The following ADCY9 variants were observed in gnomAD, a reference collection of about 807,000 sequenced individuals.
The protein encoded by ADCY9 is adenylate cyclase type 9.
ADCY9 carries 50 observed loss-of-function variants against 101.5 expected under a neutral mutation model. The observed-to-expected ratio is 0.49, with a 90% CI of 0.39 to 0.62. The LOEUF (loss-of-function observed/expected upper bound fraction) is 0.62. Ranked by LOEUF, ADCY9 falls within the 20% of genes least tolerant of loss-of-function variation. ADCY9 has a pLI of 0.00. For missense variants in ADCY9, 1,662 were observed against 1,800.4 expected (o/e 0.92, Z 1.39); for synonymous variants, 905 against 769.3 (o/e 1.18, Z -2.92).
rs184862355 is a variant in ADCY9, at chr16:4,094,717, C to A, written c.1693+19033G>T. On this transcript the variant is annotated intron_variant, in intron 2 of 10. Transcript: ENST00000294016. ...GAGGAGATTAATACAATATAATAAT[C>A]AGGCACTGCAGATCACACCTGGAAC... 7.9e-5 allele frequency among the ~76,000 whole-genome samples: 12 copies of A among 152,082 alleles called. No homozygotes were observed. In the East Asian group the frequency reaches 2.1e-3, roughly 27 times the overall value.
intron 2 of ADCY9, among the ~76,000 whole-genome samples, chr16:4,103,297 G>C (rs1279134972): frequency 6.6e-6 from 1 of 152,220 alleles, no homozygotes; most frequent in African/African-American, 2.4e-5. Context: ...CAGATCCCTA[G>C]AGGTCCTTGA....
chr16:3,973,498 T>C (rs2056069447), intron 10 of ADCY9, among the ~76,000 whole-genome samples: 1 of 151,076 alleles, frequency 6.6e-6, no homozygotes, highest in African/African-American at 2.4e-5. Context: ...TGAGCCAACG[T>C]GCCTGGCCTT....
At chr16:3,961,824 G>A (rs559457343), downstream of ADCY9, among the ~76,000 whole-genome samples, 13 of 152,256 alleles carry the variant, frequency 8.5e-5, no homozygotes, top group African/African-American at 2.4e-4. Flanking sequence ...CCAGGAGTTC[G>A]AGACCAGTCT....
chr16:3,996,550 A>C (rs1367879746), intron 3 of ADCY9, among the ~76,000 whole-genome samples: 1 of 152,192 alleles, frequency 6.6e-6, no homozygotes, highest in Non-Finnish European at 1.5e-5. Flanking sequence ...GGGGCACACC[A>C]GCCATTTCAG....
intron 2 of ADCY9, among the ~76,000 whole-genome samples, chr16:4,103,278 T>C (rs951387669): frequency 2.6e-5 from 4 of 152,192 alleles, no homozygotes; most frequent in African/African-American, 9.7e-5. Flanking sequence ...GTACTCAAAG[T>C]GTGATCCGCA....
At position 3,966,210 on chromosome 16, in the gene ADCY9, G is replaced by A. The variant is rs754871847; in HGVS notation, c.3627C>T (p.Ser1209=). 25 of 1,614,068 alleles carry A rather than the reference G, an allele frequency of 1.5e-5. No homozygotes were observed. Among genetic ancestry groups the A allele is most frequent in the Non-Finnish European group, 1.9e-5 (22 of 1,180,052 alleles). ...TGCTCAAGACGCGGTAGCTCTCTTCGCTCACCTGGATGCGGCACTCCACGC... is the reference window on the plus strand; with the variant it reads ...TGCTCAAGACGCGGTAGCTCTCTTCACTCACCTGGATGCGGCACTCCACGC... The part of the protein sequence containing the change: ...TTGVECRIQV[S]EESYRVLSKM... The change falls in exon 11 of 11, where the codon AGC becomes AGT. Residue 1209 remains serine (S), a synonymous_variant. Transcript: ENST00000294016.
chr16:4,106,652 T>G (rs545270834), intron 2 of ADCY9, among the ~76,000 whole-genome samples: 102 of 152,310 alleles, frequency 6.7e-4, no homozygotes, highest in Middle Eastern at 3.4e-3. Flanking sequence ...CTTACAGTTT[T>G]GGAATTCCAG....
At chr16:4,057,042 C>G (rs968078966) in intron 2 of ADCY9, among the ~76,000 whole-genome samples, 7 of 136,162 alleles carry the variant, frequency 5.1e-5, no homozygotes, top group Admixed American at 2.9e-4. Context: ...GAAACCGCCC[C>G]CCCCCCCCCC....
rs190622506 is a variant in ADCY9 at position 4,073,960 on chromosome 16, G to A, written c.1693+39790C>T. Among the ~76,000 whole-genome samples, 818 of 152,162 alleles carry A rather than the reference G, an allele frequency of 5.4e-3. 2 individuals carry two copies. Among genetic ancestry groups the A allele is most frequent in the Non-Finnish European group, 7.9e-3 (540 of 68,002 alleles). On this transcript the variant is annotated intron_variant, in intron 2 of 10. Coordinates refer to ENST00000294016, the MANE Select transcript of ADCY9 (RefSeq NM_001116.4). Reference sequence around the variant, plus strand: ...AAACTACACTGTCTATATGGCAGCCGCTTAAATTTAAATTACTTAAATTAA... The same window carrying A: ...AAACTACACTGTCTATATGGCAGCCACTTAAATTTAAATTACTTAAATTAA...
At chr16:4,054,353 G>T (rs1308434352) in intron 2 of ADCY9, among the ~76,000 whole-genome samples, 1 of 151,762 alleles carries the variant, frequency 6.6e-6, no homozygotes, top group Admixed American at 6.6e-5. Context: ...CACAAAAATA[G>T]AAATGGACTA....
Position 3,992,027 on chromosome 16 carries a change from C to T in ADCY9, c.2207+119G>A, listed in dbSNP as rs565994192. 9.8e-5 allele frequency: 93 copies of T among 950,694 alleles called. 2 individuals carry two copies. The highest frequency in any genetic ancestry group is 1.3e-4 in the African/African-American group (8 of 60,540). The allele number at this position is 950,694 out of a possible 1,614,324, so 58.9% of individuals were successfully genotyped here. ...TAGAGGCTGCAGTGAGCCAAGATCG[C>T]GCCACTGCACTGCAGCCTGGATGAC... On this transcript the variant is annotated intron_variant, in intron 5 of 10. Coordinates refer to ENST00000294016, the MANE Select transcript of ADCY9 (RefSeq NM_001116.4). The surrounding 1 kb of genome is among the most constrained non-coding windows in gnomAD (Gnocchi z 4.2).
chr16:3,954,218 G>A (rs1268668749), intron 5 of ADCY9, among the ~76,000 whole-genome samples: 1 of 152,216 alleles, frequency 6.6e-6, no homozygotes, highest in Non-Finnish European at 1.5e-5. Flanking sequence ...GCTGGCCGGG[G>A]CAGGCTGGGA....
intron 2 of ADCY9, among the ~76,000 whole-genome samples, chr16:4,021,639 A>G (rs2056477827): frequency 6.6e-6 from 1 of 152,236 alleles, no homozygotes; most frequent in Non-Finnish European, 1.5e-5. Context: ...CACCCCCTGC[A>G]GCTGACTCAT....
At chr16:4,113,621 A>AT (rs1419091813) in intron 2 of ADCY9, 129 bp downstream of exon 2, 1 of 1,216,650 alleles carries the variant, frequency 8.2e-7, no homozygotes, top group Non-Finnish European at 1.2e-6. Context: ...TGACCCTGAG[A>AT]TCCCCCCATG....
At chr16:4,000,530 GAAGAA>G (rs1190144026) in intron 3 of ADCY9, among the ~76,000 whole-genome samples, 5 of 152,184 alleles carry the variant, frequency 3.3e-5, no homozygotes, top group African/African-American at 1.2e-4. Context: ...CAGAATATTA[GAAGAA>G]AAGATAAGCA....
chr16:4,083,156 T>TTTTG (rs1339576679), intron 2 of ADCY9, among the ~76,000 whole-genome samples: 1 of 152,262 alleles, frequency 6.6e-6, no homozygotes, highest in South Asian at 2.1e-4. Context: ...AAATGCGTTT[T>TTTTG]TTTGTTTGTT....
chr16:4,015,548 T>C (rs2056433130), intron 2 of ADCY9: 1 of 152,176 alleles, frequency 6.6e-6, no homozygotes, highest in South Asian at 2.1e-4. Flanking sequence ...ACTAAATGTT[T>C]ACTGAGTACT....
intron 2 of ADCY9, among the ~76,000 whole-genome samples, chr16:4,074,185 C>T (rs2056852029): frequency 6.6e-6 from 1 of 151,732 alleles, no homozygotes; most frequent in Non-Finnish European, 1.5e-5. Context: ...ATTATTATGA[C>T]ACTATTAGCA....
chr16:4,049,946 G>A (rs1210103129), intron 2 of ADCY9, among the ~76,000 whole-genome samples: 1 of 151,914 alleles, frequency 6.6e-6, no homozygotes, highest in African/African-American at 2.4e-5. Context: ...TGGGAGGACT[G>A]CTTGAACCCA....
Sources: allele counts gnomAD v4.1 joint callset (sites outside exome capture counted in the v4.1 genomes callset), GRCh38; gene constraint gnomAD v4.1.1; non-coding constraint Gnocchi (gnomAD v3.1); transcripts MANE v1.5; gene names NCBI Gene and HGNC (gene_info 2026-07-23, HGNC 2026-07-21).